SI: variants seen among roughly 807,000 people sequenced by gnomAD.
SI encodes sucrase-isomaltase, also known as sucrase-isomaltase, intestinal.
A neutral mutation model predicts 253.3 loss-of-function variants in SI; 235 were observed. The ratio of observed to expected loss-of-function variants is 0.93; its 90% confidence interval spans 0.83 to 1.03. The LOEUF is 1.03. Ranked by LOEUF, SI falls within the 50% of genes least tolerant of loss-of-function variation. The probability of loss-of-function intolerance (pLI) is 0.00; values close to 1 mark genes in which losing one functional copy is unlikely to be tolerated. For missense variants in SI, 2,442 were observed against 2,211.1 expected (o/e 1.10, Z -2.09); for synonymous variants, 819 against 712.0 (o/e 1.15, Z -2.39).
chr3:165,040,318 GA>G (rs1560002784), intron 18 of SI, among the ~76,000 whole-genome samples: 2 of 28,068 alleles, frequency 7.1e-5, no homozygotes, highest in East Asian at 0.012. Context: ...AGGAAGAAAA[GA>G]GAGAAGGAGA....
chr3:165,043,625 TA>T (rs550111811), intron 16 of SI, among the ~76,000 whole-genome samples: 341 of 152,122 alleles, frequency 2.2e-3, no homozygotes, highest in Middle Eastern at 6.8e-3. Context: ...TTATTCTGAA[TA>T]AAATTGAGCT....
intron 24 of SI, 145 bp downstream of exon 24, chr3:165,032,376 AG>A (rs1712295200): frequency 1.8e-6 from 1 of 559,150 alleles, no homozygotes; most frequent in African/African-American, 1.9e-5. Flanking sequence ...GAAAAAGTGA[AG>A]AAAAAAATGA....
intron 16 of SI, among the ~76,000 whole-genome samples, chr3:165,046,387 T>C (rs570130634): frequency 9.4e-6 from 1 of 106,792 alleles, no homozygotes; most frequent in South Asian, 2.9e-4. Context: ...TTCTCCACTT[T>C]TGAAATTTTA....
intron 22 of SI, among the ~76,000 whole-genome samples, 155 bp from the exon 23 acceptor site, chr3:165,033,599 T>C (rs1712363327): frequency 6.6e-6 from 1 of 151,606 alleles, no homozygotes; most frequent in South Asian, 2.1e-4. Context: ...TTTTTAATTG[T>C]CTCTAAATTA....
chr3:165,012,059 T>A (rs1207409008), intron 34 of SI, among the ~76,000 whole-genome samples: 1 of 152,132 alleles, frequency 6.6e-6, no homozygotes. Flanking sequence ...CTGTTTATCA[T>A]TTGCATTTAA....
rs762221257 is a variant in SI at position 165,062,405 on chromosome 3, T to A, written c.986A>T (p.Asp329Val). 5 of 1,595,862 alleles carry A rather than the reference T, an allele frequency of 3.1e-6. No individual in the cohort carries two copies. The South Asian group carries it at 4.4e-5, about 14-fold the overall frequency. ...CTGTTGAACTACTTGTTCTGGTGTA[T>A]CTCCTAGAAGGATGTAAAAATCCAG... ...GILDFYILLG[D>V]TPEQVVQQYQ... is the part of the protein sequence containing the mutation. The change falls in exon 9 of 48, where the codon GAT becomes GTT. Residue 329 changes from aspartate (D) to valine (V), a missense_variant. By Grantham distance (152) the Asp-to-Val change is radical. Coordinates refer to ENST00000264382, the MANE Select transcript of SI (RefSeq NM_001041.4).
At chr3:165,004,129 A>G (rs1718389032) in intron 37 of SI, among the ~76,000 whole-genome samples, 1 of 152,168 alleles carries the variant, frequency 6.6e-6, no homozygotes, top group East Asian at 1.9e-4. Flanking sequence ...TGATTTAAAA[A>G]TGGGCAAAAT....
chr3:165,081,905 C>T (rs1181889862), upstream of SI, among the ~76,000 whole-genome samples: 1 of 151,904 alleles, frequency 6.6e-6, no homozygotes, highest in Non-Finnish European at 1.5e-5. Flanking sequence ...GGCAAGACAC[C>T]AGAACCATTG....
intron 8 of SI, among the ~76,000 whole-genome samples, chr3:165,063,123 G>T (rs755881579): frequency 2.0e-5 from 3 of 151,658 alleles, no homozygotes; most frequent in Non-Finnish European, 4.4e-5. Flanking sequence ...CATTTGTAGT[G>T]GCATGTTTAC....
chr3:165,054,687 A>G (rs1050521558), intron 13 of SI, among the ~76,000 whole-genome samples: 6 of 152,124 alleles, frequency 3.9e-5, no homozygotes, highest in Admixed American at 6.6e-5. Flanking sequence ...TGAGCAAACT[A>G]GGATTCTGTT....
intron 19 of SI, among the ~76,000 whole-genome samples, chr3:165,039,498 T>C (rs991823933): frequency 6.6e-6 from 1 of 152,088 alleles, no homozygotes; most frequent in Non-Finnish European, 1.5e-5. Flanking sequence ...CACTCCAGTG[T>C]TTCTCCAACA....
In SI at chr3:165,017,561, G is replaced by T; in HGVS notation, c.3746C>A (p.Ala1249Asp). The change falls in exon 31 of 48, where the codon GCT becomes GAT. Residue 1249 changes from alanine to aspartate, a missense_variant. Coordinates refer to ENST00000264382, the MANE Select transcript of SI (RefSeq NM_001041.4). ...TGATATACATACATAGGGGATGTTA[G>T]CAGCCACCATAGCGTCATATAATTC... ...VRELYDAMVA[A>D]NIPYDVQYTD... The T allele has an allele frequency of 6.2e-7, 1 of 1,611,954 alleles. No individual in the cohort carries two copies. Among genetic ancestry groups the T allele is most frequent in the South Asian group, 1.1e-5 (1 of 91,040 alleles).
chr3:165,046,330 A>G (rs1465568297), intron 16 of SI, among the ~76,000 whole-genome samples: 1 of 151,964 alleles, frequency 6.6e-6, no homozygotes, highest in South Asian at 2.1e-4. Flanking sequence ...TGTTTGATAG[A>G]GTTAGACTTC....
At chr3:165,071,729 G>T (rs1331704056) in intron 3 of SI, among the ~76,000 whole-genome samples, 1 of 152,024 alleles carries the variant, frequency 6.6e-6, no homozygotes, top group African/African-American at 2.4e-5. Flanking sequence ...AGACAGCGAA[G>T]ATCTCTTTCT....
intron 37 of SI, among the ~76,000 whole-genome samples, chr3:165,004,437 C>T (rs550877144): frequency 3.0e-3 from 449 of 152,172 alleles, no homozygotes; most frequent in Middle Eastern, 0.01. Flanking sequence ...ATTCAGCAGT[C>T]CTGCTGCTGA....
chr3:165,026,867 G>A (rs1458363330), intron 25 of SI, among the ~76,000 whole-genome samples: 3 of 151,102 alleles, frequency 2.0e-5, no homozygotes, highest in Non-Finnish European at 4.4e-5. Context: ...ACACCAAAAA[G>A]TCTGAAAGAG....
intron 37 of SI, among the ~76,000 whole-genome samples, chr3:165,000,991 C>T (rs1171999911): frequency 6.6e-6 from 1 of 150,550 alleles, no homozygotes; most frequent in Non-Finnish European, 1.5e-5. Context: ...GAAGTAAAAC[C>T]AGAAACTCTA....
intron 12 of SI, among the ~76,000 whole-genome samples, chr3:165,057,940 G>A (rs1713776920): frequency 6.6e-6 from 1 of 151,822 alleles, no homozygotes; most frequent in Non-Finnish European, 1.5e-5. Context: ...AAGTGGACCT[G>A]ATAGATTTTT....
chr3:165,001,810 TA>T (rs911269000), intron 37 of SI, among the ~76,000 whole-genome samples: 2 of 151,152 alleles, frequency 1.3e-5, no homozygotes, highest in East Asian at 1.9e-4. Flanking sequence ...TTTTGTTTAT[TA>T]AAAAAAATAT....
Sources: allele counts gnomAD v4.1 joint callset (sites outside exome capture counted in the v4.1 genomes callset), GRCh38; gene constraint gnomAD v4.1.1; transcripts MANE v1.5; gene names NCBI Gene and HGNC (gene_info 2026-07-23, HGNC 2026-07-21).